The following SLCO2A1 variants were observed in gnomAD, a reference collection of about 807,000 sequenced individuals.
SLCO2A1 encodes the protein solute carrier organic anion transporter family member 2A1, also known as matrin F/G 1.
SLCO2A1 carries 60 observed loss-of-function variants against 71.7 expected under a neutral mutation model. The observed-to-expected ratio is 0.84, with a 90% CI of 0.68 to 1.04. The LOEUF (loss-of-function observed/expected upper bound fraction) is 1.04, where lower values mean the gene tolerates loss of function less well. Ranked by LOEUF, SLCO2A1 falls within the 50% of genes least tolerant of loss-of-function variation. The pLI is 0.00. For missense variants in SLCO2A1, 745 were observed against 813.4 expected, an observed-to-expected ratio of 0.92 and a Z score of 1.02; for synonymous variants, 308 against 326.7, an observed-to-expected ratio of 0.94 and a Z score of 0.62.
intron 1 of SLCO2A1, among the ~76,000 whole-genome samples, chr3:133,980,358 T>G (rs529271926): frequency 6.9e-4 from 102 of 148,848 alleles, no homozygotes; most frequent in African/African-American, 2.4e-3. Flanking sequence ...TCGTACCTGG[T>G]CCTGGGGTAC....
At chr3:133,966,610 T>C (rs1294053088) in intron 3 of SLCO2A1, among the ~76,000 whole-genome samples, 1 of 152,220 alleles carries the variant, frequency 6.6e-6, no homozygotes, top group Non-Finnish European at 1.5e-5. Context: ...TTCCCTCTTT[T>C]AGATTTCTGA....
At position 133,955,192 on chromosome 3, in the gene SLCO2A1, C is replaced by T; in HGVS notation, c.399G>A (p.Gly133=). The stretch of plus-strand genomic sequence containing the variant: ...GCTCGGCCTGCAAGCGGCTGTTGTT[C>T]CCTGCAACGAGAGTGCTTGCTGGTC... ...EPYQYTLAST[G]NNSRLQAELC... Residue 133 remains glycine, a splice_region_variant and synonymous_variant, in exon 4 of 14, where the codon GGG becomes GGA. Coordinates refer to ENST00000310926, the MANE Select transcript of SLCO2A1 (RefSeq NM_005630.3). 3 of 1,611,694 alleles carry T rather than the reference C, an allele frequency of 1.9e-6. No individual in the cohort carries two copies. The highest frequency in any genetic ancestry group is 2.5e-6 in the Non-Finnish European group (3 of 1,178,966).
At chr3:134,005,842 T>C (rs1325338060) in intron 1 of SLCO2A1, among the ~76,000 whole-genome samples, 1 of 152,204 alleles carries the variant, frequency 6.6e-6, no homozygotes, top group Admixed American at 6.5e-5. Flanking sequence ...TATATTGTGT[T>C]CCTATTTACC....
intron 2 of SLCO2A1, among the ~76,000 whole-genome samples, chr3:133,977,305 G>A (rs544168170): frequency 6.6e-6 from 1 of 152,284 alleles, no homozygotes; most frequent in Admixed American, 6.5e-5. Context: ...ATTTTAATGG[G>A]TGAATTATTT....
At chr3:133,978,857 C>A (rs1934519253) in intron 2 of SLCO2A1, among the ~76,000 whole-genome samples, 2 of 152,224 alleles carry the variant, frequency 1.3e-5, no homozygotes, top group South Asian at 4.1e-4. Flanking sequence ...CCTCCTCTGG[C>A]TTCTCGGCCC....
At position 133,938,438 on chromosome 3, in the gene SLCO2A1, G is replaced by A. The variant is rs369396153; in HGVS notation, c.1681C>T (p.Arg561Cys). The A allele has an allele frequency of 2.5e-5, 40 of 1,613,784 alleles. No homozygotes were observed. Among genetic ancestry groups the A allele is most frequent in the Non-Finnish European group, 3.2e-5 (38 of 1,179,838 alleles). Reference sequence around the variant, plus strand: ...GGTCTTAGACACTTACCCAGCAAGCGCATCAACAAGAACTGCACCCCGATG... The same window carrying A: ...GGTCTTAGACACTTACCCAGCAAGCACATCAACAAGAACTGCACCCCGATG... ...FAIGVQFLLM[R>C]LLAWLPSPAL... The change falls in exon 12 of 14, where the codon CGC (arginine) becomes TGC (cysteine). Residue 561 changes from arginine to cysteine, a missense_variant. By Grantham distance (180) the Arg-to-Cys change is radical (BLOSUM62 -3). Coordinates refer to ENST00000310926, the MANE Select transcript of SLCO2A1 (RefSeq NM_005630.3).
chr3:134,018,878 C>T (rs1935514534), intron 1 of SLCO2A1, among the ~76,000 whole-genome samples: 1 of 151,606 alleles, frequency 6.6e-6, no homozygotes, highest in African/African-American at 2.4e-5. Flanking sequence ...AAGCTAGAGG[C>T]AACAGAGACT....
At chr3:133,993,479 T>A (rs1026954112) in intron 1 of SLCO2A1, among the ~76,000 whole-genome samples, 7 of 151,582 alleles carry the variant, frequency 4.6e-5, no homozygotes, top group South Asian at 2.1e-4. Flanking sequence ...TACCACAGAT[T>A]GAAAAAAAAT....
At chr3:134,001,288 T>A (rs1186856597) in intron 1 of SLCO2A1, among the ~76,000 whole-genome samples, 1 of 152,156 alleles carries the variant, frequency 6.6e-6, no homozygotes, top group Non-Finnish European at 1.5e-5. Context: ...TTTTTGTATT[T>A]TCAGTAGAGG....
intron 1 of SLCO2A1, among the ~76,000 whole-genome samples, chr3:134,029,473 AACAC>A (rs146731617): frequency 2.0e-5 from 3 of 149,890 alleles, no homozygotes; most frequent in African/African-American, 7.4e-5. Flanking sequence ...AAGGCGTGTG[AACAC>A]ACACACACAC....
At chr3:133,969,405 G>A (rs1292958950) in intron 3 of SLCO2A1, among the ~76,000 whole-genome samples, 1 of 152,150 alleles carries the variant, frequency 6.6e-6, no homozygotes, top group Non-Finnish European at 1.5e-5. Flanking sequence ...ACTCCAGCCT[G>A]GTGACAGAGC....
intron 12 of SLCO2A1, 110 bp from the exon 13 acceptor site, chr3:133,936,007 T>G: frequency 4.4e-6 from 5 of 1,135,566 alleles, no homozygotes; most frequent in Non-Finnish European, 5.9e-6. Flanking sequence ...AGAACGGCTC[T>G]GCCGTACCCA....
intron 2 of SLCO2A1, 34 bp downstream of exon 2, chr3:133,979,447 A>G (rs757167619): frequency 4.3e-6 from 7 of 1,613,948 alleles, no homozygotes; most frequent in Non-Finnish European, 5.9e-6. Flanking sequence ...GTGGTGCACA[A>G]GTGGAGTCTG....
intron 11 of SLCO2A1, among the ~76,000 whole-genome samples, chr3:133,939,410 A>G (rs946438778): frequency 2.6e-5 from 4 of 151,412 alleles, no homozygotes; most frequent in African/African-American, 9.7e-5. Flanking sequence ...GAGCACACAC[A>G]CTCCCGGTGG....
At chr3:133,983,581 T>C (rs1456863980) in intron 1 of SLCO2A1, among the ~76,000 whole-genome samples, 1 of 152,268 alleles carries the variant, frequency 6.6e-6, no homozygotes, top group Non-Finnish European at 1.5e-5. Flanking sequence ...CAGAGTTCCC[T>C]GAAGGCCCTA....
intron 1 of SLCO2A1, among the ~76,000 whole-genome samples, chr3:134,021,728 A>G (rs1445508766): frequency 1.3e-5 from 2 of 152,176 alleles, no homozygotes; most frequent in Non-Finnish European, 2.9e-5. Flanking sequence ...AAAGTCAAAG[A>G]GAGAAAGAAA....
intron 12 of SLCO2A1, among the ~76,000 whole-genome samples, chr3:133,936,763 T>C (rs1431057408): frequency 2.6e-5 from 4 of 152,154 alleles, no homozygotes; most frequent in Admixed American, 2.6e-4. Flanking sequence ...GCTCCACTTG[T>C]GGCACTGCCC....
chr3:133,947,647 T>C (rs1034656576), intron 8 of SLCO2A1, among the ~76,000 whole-genome samples: 1 of 152,204 alleles, frequency 6.6e-6, no homozygotes, highest in African/African-American at 2.4e-5. Context: ...TGAGACAGGA[T>C]TGCCTTGCCT....
chr3:134,017,646 G>A (rs1200509258), intron 1 of SLCO2A1, among the ~76,000 whole-genome samples: 1 of 152,204 alleles, frequency 6.6e-6, no homozygotes, highest in Non-Finnish European at 1.5e-5. Flanking sequence ...TGGCTCTCAG[G>A]CTCTGGCACA....
Sources: allele counts gnomAD v4.1 joint callset (sites outside exome capture counted in the v4.1 genomes callset), GRCh38; gene constraint gnomAD v4.1.1; transcripts MANE v1.5; gene names NCBI Gene and HGNC (gene_info 2026-07-23, HGNC 2026-07-21).